Variants in KCNN1 observed in about 807,000 individuals in gnomAD.
KCNN1 encodes small conductance calcium-activated potassium channel protein 1.
A neutral mutation model predicts 44.7 loss-of-function variants in KCNN1; 20 were observed. That is an observed-to-expected ratio of 0.45 (90% CI 0.32 to 0.65). KCNN1 has a LOEUF of 0.65. KCNN1 is among the 30% of genes least tolerant of loss of function. The probability of loss-of-function intolerance (pLI) is 0.05; values close to 1 mark genes in which losing one functional copy is unlikely to be tolerated. For missense variants in KCNN1, 632 were observed against 785.3 expected (o/e 0.80, Z 2.33); for synonymous variants, 324 against 341.7 (o/e 0.95, Z 0.57).
At chr19:17,996,383 A>C (rs2032994710) in intron 9 of KCNN1, among the ~76,000 whole-genome samples, 2 of 152,044 alleles carry the variant, frequency 1.3e-5, no homozygotes, top group Admixed American at 1.3e-4. Context: ...AGGTGGGCGG[A>C]TCACCTGAGG....
At chr19:17,980,353 A>G (rs2032363323) in intron 3 of KCNN1, among the ~76,000 whole-genome samples, 1 of 145,240 alleles carries the variant, frequency 6.9e-6, no homozygotes, top group African/African-American at 2.6e-5. Flanking sequence ...AAGCACTGGG[A>G]TTACAGGCAG....
intron 1 of KCNN1, among the ~76,000 whole-genome samples, chr19:17,969,554 A>C (rs1441439419): frequency 1.9e-4 from 25 of 130,708 alleles, no homozygotes; most frequent in African/African-American, 2.9e-4. Flanking sequence ...CCTCCTCCCC[A>C]CCCCCTCCCT....
chr19:17,988,320 C>G, intron 5 of KCNN1, 95 bp from the exon 6 acceptor site: 1 of 960,094 alleles, frequency 1.0e-6, no homozygotes, highest in Non-Finnish European at 1.6e-6. Flanking sequence ...ACTGCTGGCT[C>G]AGAGAATGGG....
intron 3 of KCNN1, among the ~76,000 whole-genome samples, chr19:17,976,212 C>A (rs1054008646): frequency 2.0e-5 from 3 of 151,690 alleles, no homozygotes; most frequent in Admixed American, 2.0e-4. Flanking sequence ...GAGGCTGAGG[C>A]GGGAGAATCA....
intron 2 of KCNN1, among the ~76,000 whole-genome samples, chr19:17,961,610 CT>C (rs1284754879): frequency 1.5e-5 from 2 of 131,320 alleles, no homozygotes; most frequent in African/African-American, 5.8e-5. Flanking sequence ...GAGACGGAGT[CT>C]TGCTTTGTTG....
At position 17,988,574 on chromosome 19, in the gene KCNN1, G is replaced by A. The variant is rs558918858; in HGVS notation, c.1170+49G>A. ...GGCCGCCTCCTGGCCTTGTCAGCGA[G>A]CGTAGAACTTCCCTGCTTTCCCTCT... On this transcript the variant is annotated intron_variant, in intron 6 of 9. Transcript: ENST00000684775. The A allele has an allele frequency of 3.7e-6, 5 of 1,363,398 alleles. No individual in the cohort carries two copies. In the African/African-American group the frequency reaches 4.3e-5, roughly 12 times the overall value. 84.5% of individuals were successfully genotyped at this position (1,363,398 alleles called of 1,614,324 possible). A position where few individuals can be genotyped will look rare whatever the true frequency, so the allele number is the denominator to read the frequency against.
chr19:17,961,586 C>CTTT (rs60134891), intron 2 of KCNN1, among the ~76,000 whole-genome samples: 36,449 of 129,378 alleles, frequency 0.28, 5,863 homozygotes, highest in African/African-American at 0.42. Flanking sequence ...TTCTTTCTTT[C>CTTT]TTTTTTTTTT....
At position 17,973,916 on chromosome 19, in the gene KCNN1, G is replaced by A. The variant is rs961388823; in HGVS notation, c.28G>A (p.Val10Met). MNSHSYNGS[V>M]GRPLGSGPGA... Reference sequence around the variant, plus strand: ...GAACAGCCACAGCTACAATGGCAGCGTGGGGCGGCCGCTGGGCAGCGGGCC... The same window carrying A: ...GAACAGCCACAGCTACAATGGCAGCATGGGGCGGCCGCTGGGCAGCGGGCC... The change falls in exon 2 of 10, where the codon GTG (valine) becomes ATG (methionine). Residue 10 changes from valine to methionine, a missense_variant. Transcript: ENST00000684775. 14 of 1,554,614 alleles carry A rather than the reference G, an allele frequency of 9.0e-6. No individual in the cohort carries two copies. Among genetic ancestry groups the A allele is most frequent in the South Asian group, 4.7e-5 (4 of 84,918 alleles).
At chr19:17,991,968 A>G (rs2032811035) in intron 7 of KCNN1, among the ~76,000 whole-genome samples, 1 of 152,182 alleles carries the variant, frequency 6.6e-6, no homozygotes, top group South Asian at 2.1e-4. Flanking sequence ...AATGCTGTCC[A>G]CTAGAATATC....
In KCNN1 at chr19:17,993,638, G is replaced by A. The variant is rs1007717056; in HGVS notation, c.1377+79G>A. The A allele has an allele frequency of 7.7e-5, 92 of 1,197,770 alleles. No individual in the cohort carries two copies. The highest frequency in any genetic ancestry group is 7.0e-5 in the East Asian group (3 of 42,626). 74.2% of individuals were successfully genotyped at this position (1,197,770 alleles called of 1,614,324 possible). ...GATGGGATGGGGCTCAGCTCCTGCC[G>A]GAGGAGGGCACAAGGACCCGCTGTG... On this transcript the variant is annotated intron_variant, in intron 9 of 9. Transcript: ENST00000684775. This position sits in a 1 kb window ranked among gnomAD's most constrained non-coding sequence, Gnocchi z 4.5.
At chr19:17,979,511 C>G (rs984216274) in intron 3 of KCNN1, among the ~76,000 whole-genome samples, 2 of 124,886 alleles carry the variant, frequency 1.6e-5, no homozygotes, top group African/African-American at 6.3e-5. Context: ...GAGCAGGACC[C>G]GGTCTCAAAA....
chr19:17,998,306 C>T lies in KCNN1; in HGVS notation c.1532C>T (p.Pro511Leu), dbSNP rs770217696. 1.4e-5 allele frequency: 22 copies of T among 1,542,462 alleles called. No homozygotes were observed. The highest frequency in any genetic ancestry group is 9.7e-5 in the East Asian group (4 of 41,384). ...GLIAQAIRPP[P>L]PPLPPRPGPG... ...ATCGCCCAAGCCATACGCCCACCCC[C>T]GCCTCCCCTGCCTCCCAGGCCCGGC... Residue 511 changes from proline to leucine, a missense_variant, in exon 10 of 10, where the codon CCG (proline) becomes CTG (leucine). Around this residue, in one of 3 missense-constraint regions of KCNN1, gnomAD observed 237 missense variants for 253.0 expected, o/e 0.94. Transcript: ENST00000684775. The surrounding 1 kb of genome is among the most constrained non-coding windows in gnomAD (Gnocchi z 5.4).
intron 6 of KCNN1, 45 bp from the exon 7 acceptor site, chr19:17,989,671 G>A (rs957099022): frequency 7.4e-6 from 12 of 1,611,368 alleles, no homozygotes; most frequent in Middle Eastern, 3.3e-4. Flanking sequence ...GAGCCTTTTG[G>A]AATTTCGCGC....
intron 1 of KCNN1, chr19:17,952,214 A>AG (rs957212229): frequency 1.3e-5 from 2 of 151,206 alleles, no homozygotes; most frequent in Non-Finnish European, 2.9e-5. Context: ...GTCGGCGGGG[A>AG]GGGGGTCGGC....
intron 1 of KCNN1, among the ~76,000 whole-genome samples, chr19:17,969,696 C>T (rs978732840): frequency 7.2e-5 from 11 of 152,184 alleles, no homozygotes; most frequent in Admixed American, 5.2e-4. Flanking sequence ...TTCGGAAGGT[C>T]GTTTGCAGAG....
At chr19:17,982,463 G>A in intron 4 of KCNN1, 1 of 767,644 alleles carries the variant, frequency 1.3e-6, no homozygotes, top group Non-Finnish European at 1.6e-6. Flanking sequence ...GGCCCCGGGG[G>A]GCGCAGGCAG....
At chr19:17,970,966 C>T (rs1198922418) in intron 1 of KCNN1, among the ~76,000 whole-genome samples, 1 of 151,872 alleles carries the variant, frequency 6.6e-6, no homozygotes. Flanking sequence ...TCACTGCAGC[C>T]TCCACCTCCC....
chr19:17,973,047 C>T (rs2032077062), intron 1 of KCNN1, among the ~76,000 whole-genome samples: 1 of 152,102 alleles, frequency 6.6e-6, no homozygotes. Context: ...GGAATTGGGT[C>T]TGGGGAGAGT....
At position 17,956,031 on chromosome 19, in the gene KCNN1, G is replaced by A. The variant is rs116311459; in HGVS notation, c.-82+1350G>A. Among the ~76,000 whole-genome samples, 537 of 152,170 alleles carry A rather than the reference G, an allele frequency of 3.5e-3. 3 individuals are homozygous for A. Among genetic ancestry groups the A allele is most frequent in the African/African-American group, 0.012 (496 of 41,536 alleles). Reference sequence around the variant, plus strand: ...TGCAACCTCCACCCTCCACCCCACCGGGTTCAAGCGATTCTCCTGCTTCAG... The same window carrying A: ...TGCAACCTCCACCCTCCACCCCACCAGGTTCAAGCGATTCTCCTGCTTCAG... On this transcript the variant is annotated intron_variant, in intron 2 of 10. Coordinates refer to the KCNN1 transcript ENST00000222249.
Sources: gnomAD v4.1 joint callset for allele counts (sites outside exome capture counted in the v4.1 genomes callset) on GRCh38, gnomAD v4.1.1 for gene constraint, gnomAD v4.1.1 regional missense constraint, Gnocchi (gnomAD v3.1) non-coding constraint, MANE v1.5 for transcripts, NCBI Gene and HGNC (gene_info 2026-07-23, HGNC 2026-07-21) for gene names.